Variants in TOP2B observed in about 807,000 individuals in gnomAD.
TOP2B encodes DNA topoisomerase II beta, also known as DNA topoisomerase 2-beta.
TOP2B carries 51 observed loss-of-function variants against 193.5 expected under a neutral mutation model. That is an observed-to-expected ratio of 0.26 (90% CI 0.21 to 0.33). The LOEUF is 0.33. Among genes scored for constraint, TOP2B ranks in the 10% least tolerant of loss-of-function variants. The pLI is 1.00. For missense variants in TOP2B, 1,378 were observed against 1,909.3 expected, an observed-to-expected ratio of 0.72 and a Z score of 5.19; for synonymous variants, 634 against 635.7, an observed-to-expected ratio of 1.00 and a Z score of 0.04.
At chr3:25,632,419 A>C in intron 10 of TOP2B, 27 bp downstream of exon 10, 1 of 1,516,408 alleles carries the variant, frequency 6.6e-7, no homozygotes, top group African/African-American at 1.4e-5. Flanking sequence ...TAATAACAAC[A>C]ATAAAAAAAA....
At chr3:25,624,589 C>T in intron 19 of TOP2B, 93 bp downstream of exon 19, 1 of 1,549,724 alleles carries the variant, frequency 6.5e-7, no homozygotes. Flanking sequence ...TTTACATTTC[C>T]AAAGACTTTA....
At chr3:25,611,568 A>T (rs1307131726) in intron 28 of TOP2B, among the ~76,000 whole-genome samples, 1 of 152,174 alleles carries the variant, frequency 6.6e-6, no homozygotes, top group Non-Finnish European at 1.5e-5. Flanking sequence ...CTGTCCAAAA[A>T]CATTAGCCTC....
At chr3:25,606,774 T>C (rs775622293) in intron 31 of TOP2B, among the ~76,000 whole-genome samples, 2 of 152,234 alleles carry the variant, frequency 1.3e-5, no homozygotes, top group African/African-American at 2.4e-5. Flanking sequence ...TTAGTAACTT[T>C]TCTCAAAACC....
At position 25,624,415 on chromosome 3, in the gene TOP2B, C is replaced by A; in HGVS notation, c.2377G>T (p.Ala793Ser). ...QALMMTIVNL[A>S]QNFVGSNNIN... ...TTGTTACTTCCCACAAAGTTCTGAG[C>A]CAAATTCACAATAGTCATCATCAAT... The change falls in exon 20 of 36, where the codon GCT (alanine) becomes TCT (serine). Residue 793 changes from alanine (A) to serine (S), a missense_variant. By Grantham distance (99) the Ala-to-Ser change is moderately conservative. Coordinates refer to ENST00000264331, the MANE Select transcript of TOP2B (RefSeq NM_001330700.2). The A allele has an allele frequency of 6.2e-7, 1 of 1,613,764 alleles. No individual in the cohort carries two copies. Among genetic ancestry groups the A allele is most frequent in the Non-Finnish European group, 8.5e-7 (1 of 1,179,786 alleles).
At chr3:25,661,956 A>C (rs565896308) in intron 1 of TOP2B, among the ~76,000 whole-genome samples, 1 of 152,352 alleles carries the variant, frequency 6.6e-6, no homozygotes, top group African/African-American at 2.4e-5. Context: ...TCAATAAAGC[A>C]GACGAAGTTA....
intron 1 of TOP2B, among the ~76,000 whole-genome samples, chr3:25,655,276 C>T (rs988055006): frequency 2.6e-5 from 4 of 152,058 alleles, no homozygotes; most frequent in African/African-American, 9.7e-5. Flanking sequence ...TGGTCAACAG[C>T]ATATGAAAAG....
At chr3:25,659,076 G>A (rs1188500922) in intron 1 of TOP2B, among the ~76,000 whole-genome samples, 1 of 152,130 alleles carries the variant, frequency 6.6e-6, no homozygotes, top group African/African-American at 2.4e-5. Flanking sequence ...TGGCAGCCTA[G>A]CAACGAGCCC....
In TOP2B at chr3:25,636,111, T is replaced by C. The variant is rs1430870897; in HGVS notation, c.677A>G (p.Lys226Arg). 6.2e-7 allele frequency: 1 copy of C among 1,604,600 alleles called. No individual in the cohort carries two copies. The highest frequency in any genetic ancestry group is 1.1e-5 in the South Asian group (1 of 89,952). ...ATCTTCACCATCAAAATGTTTAATT[T>C]TGGCTTCAGAAGTCTTCATCATATT... ...MNNMMKTSEA[K>R]IKHFDGEDYT... The change falls in exon 7 of 36, where the codon AAA becomes AGA. Residue 226 changes from lysine to arginine, a missense_variant. By Grantham distance (26) the Lys-to-Arg change is conservative. This residue lies in a region of TOP2B where 222 missense variants were observed against 306.6 expected (regional missense o/e 0.72). Coordinates refer to ENST00000264331, the MANE Select transcript of TOP2B (RefSeq NM_001330700.2).
intron 6 of TOP2B, 113 bp downstream of exon 6, chr3:25,637,101 GA>G (rs56202408): frequency 8.1e-4 from 572 of 706,650 alleles, no homozygotes; most frequent in South Asian, 9.8e-4. Context: ...TAATGCTTTG[GA>G]AAAAAAAAAT....
Position 25,623,605 on chromosome 3 carries a change from A to G in TOP2B, c.2637T>C (p.Thr879=). Residue 879 remains threonine (T), a synonymous_variant, in exon 21 of 36, where the codon ACT becomes ACC. Transcript: ENST00000264331. The part of the protein sequence containing the change: ...VLINGAEGIG[T]GWACKLPNYD... ...AGTTGGGTAGTTTACAAGCCCATCC[A>G]GTACCAATGCCCTCAGCACCATTTA... 6.2e-7 allele frequency: 1 copy of G among 1,613,988 alleles called. No individual in the cohort carries two copies. The highest frequency in any genetic ancestry group is 8.5e-7 in the Non-Finnish European group (1 of 1,179,872).
intron 1 of TOP2B, among the ~76,000 whole-genome samples, chr3:25,647,260 C>T (rs1703437509): frequency 1.3e-5 from 2 of 152,036 alleles, no homozygotes; most frequent in South Asian, 2.1e-4. Flanking sequence ...TTTATAGAAA[C>T]GATTCTAACA....
chr3:25,621,710 C>T (rs1179353159), intron 21 of TOP2B, among the ~76,000 whole-genome samples: 2 of 151,774 alleles, frequency 1.3e-5, no homozygotes, highest in African/African-American at 2.4e-5. Context: ...GTATATAGGC[C>T]GGGCACAGTG....
chr3:25,603,442 C>CAT (rs907445962), intron 33 of TOP2B, among the ~76,000 whole-genome samples: 7 of 152,078 alleles, frequency 4.6e-5, no homozygotes, highest in African/African-American at 1.7e-4. Flanking sequence ...GGGGTTTTGC[C>CAT]ATGTTGGCCA....
chr3:25,638,178 CTCA>C lies in TOP2B; in HGVS notation c.525_527del (p.Asp175del). On this transcript the variant is annotated inframe_deletion, in exon 5 of 36. Coordinates refer to ENST00000264331, the MANE Select transcript of TOP2B (RefSeq NM_001330700.2). ...TTCAGACTTTACCTGTAACTTTTTT[CTCA>C]TCATCATCATAGTTACTGGATGTTA... 1.3e-6 allele frequency: 2 copies of C among 1,567,348 alleles called. No homozygotes were observed. The highest frequency in any genetic ancestry group is 3.8e-5 in the Admixed American group (2 of 52,998).
chr3:25,620,647 C>T lies in TOP2B; in HGVS notation c.2862+35G>A, dbSNP rs75172548. 3,769 of 1,595,844 alleles carry T rather than the reference C, an allele frequency of 2.4e-3. 76 individuals are homozygous for T. In the African/African-American group the frequency reaches 0.043, roughly 18 times the overall value. ...CCAGAAAAAATTGCTTAATACACTG[C>T]CCTTCCCTCAGGCAGATCACATATT... On this transcript the variant is annotated intron_variant, in intron 22 of 35. Transcript: ENST00000264331.
intron 25 of TOP2B, 56 bp from the exon 26 acceptor site, chr3:25,615,642 G>A: frequency 7.9e-7 from 1 of 1,265,194 alleles, no homozygotes; most frequent in Non-Finnish European, 1.0e-6. Flanking sequence ...AATTAATGTT[G>A]AATTTTATTG....
chr3:25,631,220 A>T (rs1702947018), intron 10 of TOP2B, among the ~76,000 whole-genome samples: 1 of 152,098 alleles, frequency 6.6e-6, no homozygotes, highest in Non-Finnish European at 1.5e-5. Context: ...TCTTGTTACA[A>T]ATTAATTTTA....
Position 25,598,323 on chromosome 3 carries a change from A to AAATC in TOP2B, c.4861_4864dup (p.Phe1622Ter). 1.2e-6 allele frequency: 2 copies of AAATC among 1,609,412 alleles called. No homozygotes were observed. Among genetic ancestry groups the AAATC allele is most frequent in the Non-Finnish European group, 1.7e-6 (2 of 1,177,544 alleles). ...TTTGGGCACTTAATTAAACATTGCA[A>AAATC]AATCAACATCATCTTCTTCTTCATC... is the stretch of plus-strand genomic sequence containing the variant. On this transcript the variant is annotated stop_gained and frameshift_variant, in exon 36 of 36. Transcript: ENST00000264331. LOFTEE classifies it high-confidence loss of function.
chr3:25,651,032 A>C (rs900591486), intron 1 of TOP2B, among the ~76,000 whole-genome samples: 1 of 152,202 alleles, frequency 6.6e-6, no homozygotes, highest in Non-Finnish European at 1.5e-5. Context: ...AGTTAGTACA[A>C]GTTTATTTTG....
Sources: allele counts gnomAD v4.1 joint callset (sites outside exome capture counted in the v4.1 genomes callset), GRCh38; gene constraint gnomAD v4.1.1; regional missense constraint gnomAD v4.1.1; transcripts MANE v1.5; gene names NCBI Gene and HGNC (gene_info 2026-07-23, HGNC 2026-07-21).